TCF12: variants seen among roughly 807,000 people sequenced by gnomAD.
TCF12 encodes the protein transcription factor 12.
A neutral mutation model predicts 86.0 loss-of-function variants in TCF12; 45 were observed. The observed-to-expected ratio is 0.52, with a 90% confidence interval of 0.41 to 0.67. The LOEUF (loss-of-function observed/expected upper bound fraction) is 0.67. TCF12 is among the 30% of genes least tolerant of loss of function. The pLI, the probability that TCF12 is intolerant of heterozygous loss-of-function variation, is 0.00. For synonymous variants in TCF12, 330 were observed against 299.6 expected, an observed-to-expected ratio of 1.10 and a Z score of -1.05; for missense variants, 881 against 859.9, an observed-to-expected ratio of 1.02 and a Z score of -0.31.
chr15:57,136,455 A>G lies in TCF12; in HGVS notation c.326-29947A>G, dbSNP rs117674997. ...GATTAAATGTTTGAACACAAAAACA[A>G]TAATTCCCATGATTTAAGTCACAGC... On this transcript the variant is annotated intron_variant, in intron 5 of 20. Coordinates refer to ENST00000333725, the MANE Select transcript of TCF12 (RefSeq NM_207037.2). 8.0e-3 allele frequency among the ~76,000 whole-genome samples: 1,218 copies of G among 152,352 alleles called. 7 individuals carry two copies. Among genetic ancestry groups the G allele is most frequent in the Non-Finnish European group, 0.011 (732 of 68,030 alleles).
intron 3 of TCF12, among the ~76,000 whole-genome samples, chr15:56,972,741 T>TA (rs2062401457): frequency 6.6e-6 from 1 of 152,116 alleles, no homozygotes; most frequent in Non-Finnish European, 1.5e-5. Flanking sequence ...GGAACCACGT[T>TA]AATGTTTCTC....
chr15:57,169,368 C>G (rs771252245), intron 6 of TCF12, among the ~76,000 whole-genome samples: 34 of 152,192 alleles, frequency 2.2e-4, no homozygotes, highest in Non-Finnish European at 4.6e-4. Context: ...CCTAATCATA[C>G]AGTAGAAGGT....
At chr15:57,137,140 C>T (rs964220535) in intron 5 of TCF12, among the ~76,000 whole-genome samples, 5 of 151,964 alleles carry the variant, frequency 3.3e-5, no homozygotes, top group South Asian at 4.1e-4. Flanking sequence ...CCACCATGCC[C>T]GGCTAATTTT....
chr15:56,994,373 G>T (rs1302493698), intron 3 of TCF12, among the ~76,000 whole-genome samples: 1 of 152,084 alleles, frequency 6.6e-6, no homozygotes, highest in Admixed American at 6.5e-5. Context: ...AATGGAAGAG[G>T]TAGTCAACAT....
intron 3 of TCF12, among the ~76,000 whole-genome samples, chr15:57,023,493 A>G (rs1287443481): frequency 1.3e-5 from 2 of 152,134 alleles, no homozygotes; most frequent in African/African-American, 2.4e-5. Context: ...GTTTACTTTC[A>G]TACTTCTGCA....
intron 6 of TCF12, among the ~76,000 whole-genome samples, chr15:57,173,759 G>C (rs2055701651): frequency 6.6e-6 from 1 of 150,988 alleles, no homozygotes; most frequent in South Asian, 2.1e-4. Flanking sequence ...CCATGCTGGA[G>C]TGAAGTGGTG....
chr15:57,273,392 G>C lies in TCF12; in HGVS notation c.1978+130G>C, dbSNP rs149190364. The C allele has an allele frequency of 6.7e-4, 645 of 960,312 alleles. 2 individuals are homozygous for C. The African/African-American group carries it at 9.6e-3, about 14-fold the overall frequency. 59.5% of individuals were successfully genotyped at this position (960,312 alleles called of 1,614,324 possible). ...AGTACTTCTTCTACTGTATCATCAG[G>C]GTCGTTTTTCCTGTAATTCTCACTT... On this transcript the variant is annotated intron_variant, in intron 19 of 20. Coordinates refer to ENST00000333725, the MANE Select transcript of TCF12 (RefSeq NM_207037.2).
intron 5 of TCF12, among the ~76,000 whole-genome samples, chr15:57,096,373 TG>T (rs1332243565): frequency 2.0e-5 from 3 of 151,912 alleles, no homozygotes; most frequent in Non-Finnish European, 4.4e-5. Flanking sequence ...TGTAGGACAC[TG>T]GGAAATGTTT....
At chr15:57,073,958 G>GC (rs2069643537) in intron 4 of TCF12, among the ~76,000 whole-genome samples, 1 of 152,052 alleles carries the variant, frequency 6.6e-6, no homozygotes, top group South Asian at 2.1e-4. Flanking sequence ...CACCGTGTTA[G>GC]CCAGGATGGT....
intron 8 of TCF12, among the ~76,000 whole-genome samples, chr15:57,213,120 C>T (rs1462081514): frequency 6.6e-6 from 1 of 152,196 alleles, no homozygotes; most frequent in Non-Finnish European, 1.5e-5. Context: ...AAATACTGGT[C>T]AAGCACTGCT....
intron 18 of TCF12, among the ~76,000 whole-genome samples, chr15:57,265,561 A>C (rs370904519): frequency 3.4e-4 from 52 of 152,186 alleles, no homozygotes; most frequent in African/African-American, 1.2e-3. Context: ...ATGTATGCAT[A>C]GTTCACATTT....
At chr15:57,046,928 C>T (rs2067267845) in intron 3 of TCF12, among the ~76,000 whole-genome samples, 1 of 152,194 alleles carries the variant, frequency 6.6e-6, no homozygotes, top group Non-Finnish European at 1.5e-5. Flanking sequence ...ATATTTTACC[C>T]ATCTTTTCCC....
chr15:57,057,506 G>A (rs1318417520), intron 3 of TCF12, among the ~76,000 whole-genome samples: 1 of 152,196 alleles, frequency 6.6e-6, no homozygotes, highest in African/African-American at 2.4e-5. Context: ...CAATCAGCCT[G>A]TTTTTGTTTA....
chr15:57,253,654 T>C (rs1422183489), intron 16 of TCF12, among the ~76,000 whole-genome samples, 186 bp downstream of exon 16: 1 of 152,170 alleles, frequency 6.6e-6, no homozygotes. Flanking sequence ...TCTTGTGACC[T>C]TGTGCAAAAA....
intron 4 of TCF12, among the ~76,000 whole-genome samples, chr15:57,084,713 A>G (rs539817987): frequency 2.8e-4 from 43 of 152,274 alleles, no homozygotes; most frequent in African/African-American, 9.9e-4. Flanking sequence ...GTATTTCACA[A>G]AAGAATACTT....
At chr15:56,958,678 AGTGTGTGTGTGTGTGTGTGT>A (rs55707134) in intron 3 of TCF12, among the ~76,000 whole-genome samples, 21 of 142,176 alleles carry the variant, frequency 1.5e-4, no homozygotes, top group Admixed American at 1.4e-3. Flanking sequence ...AGAGAGAGAG[AGTGTGTGTGTGTGTGTGTGT>A]GTGTGTGTGT....
chr15:56,978,854 A>T (rs1313362151), intron 3 of TCF12, among the ~76,000 whole-genome samples: 1 of 152,192 alleles, frequency 6.6e-6, no homozygotes, highest in Non-Finnish European at 1.5e-5. Context: ...AATTCTAAAG[A>T]TAGAATTTCT....
At chr15:57,100,451 TGAG>T (rs1328652357) in intron 5 of TCF12, among the ~76,000 whole-genome samples, 21 of 146,502 alleles carry the variant, frequency 1.4e-4, no homozygotes, top group Non-Finnish European at 3.0e-4. Flanking sequence ...TTAGTAGAGA[TGAG>T]GTCTTGCTGT....
chr15:57,107,050 A>T (rs2050179657), intron 5 of TCF12, among the ~76,000 whole-genome samples: 1 of 152,232 alleles, frequency 6.6e-6, no homozygotes, highest in Non-Finnish European at 1.5e-5. Flanking sequence ...ATGCAGTCCA[A>T]CATTTGTGTT....
Sources: allele counts gnomAD v4.1 joint callset (sites outside exome capture counted in the v4.1 genomes callset), GRCh38; gene constraint gnomAD v4.1.1; transcripts MANE v1.5; gene names NCBI Gene and HGNC (gene_info 2026-07-23, HGNC 2026-07-21).